PLCB4: variants seen among roughly 807,000 people sequenced by gnomAD.
PLCB4 encodes phospholipase C beta 4, also known as 1-phosphatidylinositol 4,5-bisphosphate phosphodiesterase beta-4.
A neutral mutation model predicts 178.8 loss-of-function variants in PLCB4; 77 were observed. The ratio of observed to expected loss-of-function variants is 0.43; its 90% CI spans 0.36 to 0.52. The LOEUF is 0.52. Ranked by LOEUF, PLCB4 falls within the 20% of genes least tolerant of loss-of-function variation. The pLI is 0.00. For synonymous variants in PLCB4, 496 were observed against 490.8 expected (o/e 1.01, Z -0.14); for missense variants, 1,024 against 1,453.4 (o/e 0.70, Z 4.80).
chr20:9,151,930 G>C (rs1482788966), intron 2 of PLCB4, among the ~76,000 whole-genome samples: 2 of 152,184 alleles, frequency 1.3e-5, no homozygotes, highest in Non-Finnish European at 2.9e-5. Flanking sequence ...GGTGATCTCA[G>C]TTGGAGATGA....
intron 2 of PLCB4, among the ~76,000 whole-genome samples, chr20:9,205,376 A>G (rs2093603790): frequency 6.6e-6 from 1 of 152,200 alleles, no homozygotes; most frequent in Non-Finnish European, 1.5e-5. Flanking sequence ...CGTATTTTCA[A>G]CTTAGGATGG....
chr20:9,450,098 A>G (rs1404367002), intron 32 of PLCB4, among the ~76,000 whole-genome samples: 2 of 152,214 alleles, frequency 1.3e-5, no homozygotes, highest in Non-Finnish European at 2.9e-5. Flanking sequence ...ATTCTTCTGA[A>G]TGCTATACAT....
intron 7 of PLCB4, among the ~76,000 whole-genome samples, chr20:9,346,282 A>T (rs928181920): frequency 6.6e-6 from 1 of 152,194 alleles, no homozygotes; most frequent in Non-Finnish European, 1.5e-5. Flanking sequence ...TCTTATGCAC[A>T]CTCAAGTTAG....
At chr20:9,295,825 C>T (rs1457090418) in intron 3 of PLCB4, among the ~76,000 whole-genome samples, 1 of 152,088 alleles carries the variant, frequency 6.6e-6, no homozygotes, top group Non-Finnish European at 1.5e-5. Context: ...TTACTGTAGC[C>T]TTGTAGTACA....
chr20:9,181,983 A>G (rs1233404155), intron 2 of PLCB4, among the ~76,000 whole-genome samples: 1 of 152,232 alleles, frequency 6.6e-6, no homozygotes, highest in Non-Finnish European at 1.5e-5. Flanking sequence ...AAGGAAGGGC[A>G]AAGTGAGTAA....
At chr20:9,433,273 G>A (rs963165922) in intron 28 of PLCB4, among the ~76,000 whole-genome samples, 5 of 152,126 alleles carry the variant, frequency 3.3e-5, no homozygotes, top group Admixed American at 6.5e-5. Flanking sequence ...CCTCCTAGAA[G>A]TATCCTTAAA....
At chr20:9,357,327 C>A (rs1222565945) in intron 7 of PLCB4, among the ~76,000 whole-genome samples, 2 of 152,192 alleles carry the variant, frequency 1.3e-5, no homozygotes, top group African/African-American at 4.8e-5. Flanking sequence ...GAACTTCAAT[C>A]CCCTAAAAAG....
At chr20:9,354,330 T>C (rs1029582454) in intron 7 of PLCB4, among the ~76,000 whole-genome samples, 1 of 152,232 alleles carries the variant, frequency 6.6e-6, no homozygotes, top group South Asian at 2.1e-4. Context: ...AAATTATAGC[T>C]CAATAAAATT....
At chr20:9,409,693 G>A (rs1204480431) in intron 24 of PLCB4, among the ~76,000 whole-genome samples, 1 of 152,174 alleles carries the variant, frequency 6.6e-6, no homozygotes, top group Non-Finnish European at 1.5e-5. Flanking sequence ...TTACATATTT[G>A]AAGAGGTACT....
chr20:9,182,085 C>G lies in PLCB4; in HGVS notation c.-78-35305C>G, dbSNP rs560463907. Among the ~76,000 whole-genome samples the G allele has an allele frequency of 8.5e-5, 13 of 152,124 alleles. 2 individuals carry two copies. In the South Asian group the frequency reaches 1.5e-3, roughly 17 times the overall value. On this transcript the variant is annotated intron_variant, in intron 2 of 39. Transcript: ENST00000378473. ...CATAGCGTCTCACCTATAACCTGGC[C>G]CGTGGAAAATGTTCAAAAAATAAGT... is the stretch of plus-strand genomic sequence containing the variant.
At chr20:9,174,130 G>A (rs1439918135) in intron 2 of PLCB4, among the ~76,000 whole-genome samples, 4 of 151,740 alleles carry the variant, frequency 2.6e-5, no homozygotes, top group African/African-American at 9.7e-5. Flanking sequence ...GCTGCTTCTT[G>A]TTTTGTTTTG....
intron 4 of PLCB4, among the ~76,000 whole-genome samples, chr20:9,311,439 T>C (rs919613149): frequency 6.6e-6 from 1 of 152,176 alleles, no homozygotes; most frequent in East Asian, 1.9e-4. Context: ...AGATTAAAAA[T>C]CGGAGATCAT....
At chr20:9,122,241 C>T (rs2146757137) in intron 2 of PLCB4, among the ~76,000 whole-genome samples, 1 of 152,124 alleles carries the variant, frequency 6.6e-6, no homozygotes, top group Admixed American at 6.6e-5. Context: ...TGTTGTTTTA[C>T]CACACACAAA....
intron 32 of PLCB4, among the ~76,000 whole-genome samples, 163 bp from the exon 33 acceptor site, chr20:9,453,184 C>A (rs1032194360): frequency 6.6e-6 from 1 of 151,940 alleles, no homozygotes; most frequent in African/African-American, 2.4e-5. Context: ...ACAAAAAAAC[C>A]GGTGTTGAAT....
intron 9 of PLCB4, among the ~76,000 whole-genome samples, chr20:9,368,295 T>G (rs985558920): frequency 2.6e-5 from 4 of 152,230 alleles, no homozygotes; most frequent in African/African-American, 9.6e-5. Flanking sequence ...CTTGTCTTGC[T>G]GTTTACATAA....
intron 3 of PLCB4, among the ~76,000 whole-genome samples, chr20:9,230,961 C>G (rs1420320518): frequency 6.6e-6 from 1 of 152,094 alleles, no homozygotes; most frequent in African/African-American, 2.4e-5. Context: ...GTCAAAGTCC[C>G]ATGGCCTATT....
intron 28 of PLCB4, among the ~76,000 whole-genome samples, chr20:9,424,537 T>A (rs1459766449): frequency 6.6e-6 from 1 of 152,130 alleles, no homozygotes; most frequent in Non-Finnish European, 1.5e-5. Flanking sequence ...AAAGCAAAGA[T>A]CCTCTATATT....
intron 13 of PLCB4, among the ~76,000 whole-genome samples, chr20:9,382,259 T>C (rs113205905): frequency 0.018 from 2,748 of 152,274 alleles, 83 homozygotes; most frequent in African/African-American, 0.06. Context: ...ATCTCCAACA[T>C]TACTGACTAT....
chr20:9,115,163 T>C (rs1173483336), intron 2 of PLCB4, among the ~76,000 whole-genome samples: 1 of 152,190 alleles, frequency 6.6e-6, no homozygotes, highest in African/African-American at 2.4e-5. Flanking sequence ...TAAGGGTTAG[T>C]TTCTATGCTG....
Sources: gnomAD v4.1 joint callset for allele counts (sites outside exome capture counted in the v4.1 genomes callset) on GRCh38, gnomAD v4.1.1 for gene constraint, MANE v1.5 for transcripts, NCBI Gene and HGNC (gene_info 2026-07-23, HGNC 2026-07-21) for gene names.